Variants in RAB6B observed in about 807,000 individuals in gnomAD.
The protein encoded by RAB6B is ras-related protein Rab-6B.
Under a neutral mutation model 31.2 loss-of-function variants are expected in RAB6B, and 7 were observed. That is an observed-to-expected ratio of 0.22 (90% CI 0.13 to 0.42). The LOEUF is 0.42. Ranked by LOEUF, RAB6B falls within the 10% of genes least tolerant of loss-of-function variation. RAB6B has a pLI of 1.00. For missense variants in RAB6B, 149 were observed against 280.6 expected (o/e 0.53, Z 3.35); for synonymous variants, 105 against 104.9 (o/e 1.00, Z -0.01).
At chr3:133,841,575 C>G (rs1935831598) in intron 3 of RAB6B, 35 bp downstream of exon 3, 2 of 1,610,630 alleles carry the variant, frequency 1.2e-6, no homozygotes, top group Non-Finnish European at 1.7e-6. Context: ...AAGGAACCCT[C>G]CCTGCCCCTC....
intron 1 of RAB6B, among the ~76,000 whole-genome samples, chr3:133,865,386 T>G (rs1466589252): frequency 6.6e-6 from 1 of 152,230 alleles, no homozygotes; most frequent in South Asian, 2.1e-4. Flanking sequence ...CTACAAATGC[T>G]GCTAATTTCC....
chr3:133,852,725 C>T (rs746450609), intron 2 of RAB6B, among the ~76,000 whole-genome samples: 4 of 152,150 alleles, frequency 2.6e-5, no homozygotes, highest in Admixed American at 1.3e-4. Flanking sequence ...GTGATCCTTC[C>T]GCTTCAGCCT....
At chr3:133,883,390 C>G (rs1936495236) in intron 1 of RAB6B, among the ~76,000 whole-genome samples, 1 of 152,212 alleles carries the variant, frequency 6.6e-6, no homozygotes, top group African/African-American at 2.4e-5. Flanking sequence ...TGCCCCCATA[C>G]TCATCAGTGG....
chr3:133,860,940 G>A (rs992206667), intron 2 of RAB6B, among the ~76,000 whole-genome samples: 5 of 152,214 alleles, frequency 3.3e-5, no homozygotes, highest in African/African-American at 9.6e-5. Context: ...CGTGAATCTC[G>A]CAAAAGGTGA....
intron 1 of RAB6B, among the ~76,000 whole-genome samples, chr3:133,885,899 G>A (rs9813363): frequency 0.16 from 24,800 of 152,110 alleles, 2,102 homozygotes; most frequent in African/African-American, 0.18. Flanking sequence ...TCCTCGGAAC[G>A]TTTCTGTTCT....
chr3:133,857,634 G>A (rs1044895232), intron 2 of RAB6B, among the ~76,000 whole-genome samples: 9 of 152,080 alleles, frequency 5.9e-5, no homozygotes, highest in Non-Finnish European at 1.0e-4. Flanking sequence ...TAGAGAAAAC[G>A]CACCCATTTT....
chr3:133,841,875 A>G (rs773166825), intron 2 of RAB6B, among the ~76,000 whole-genome samples: 26 of 152,108 alleles, frequency 1.7e-4, no homozygotes, highest in Non-Finnish European at 3.4e-4. Flanking sequence ...GGTGGCCTTT[A>G]TAGGGTGAGA....
intron 2 of RAB6B, among the ~76,000 whole-genome samples, chr3:133,858,276 CTATAAT>C (rs764849281): frequency 6.6e-6 from 1 of 152,198 alleles, no homozygotes; most frequent in Non-Finnish European, 1.5e-5. Context: ...GAAGAAATGA[CTATAAT>C]TATAATGAAT....
At chr3:133,829,418 G>C (rs1038299820) in intron 7 of RAB6B, among the ~76,000 whole-genome samples, 7 of 152,204 alleles carry the variant, frequency 4.6e-5, no homozygotes, top group African/African-American at 1.7e-4. Context: ...GCCCCCGGGG[G>C]CTGTGGGCTA....
chr3:133,834,600 A>C lies in RAB6B; in HGVS notation c.537T>G (p.Asn179Lys), dbSNP rs780553261. 1 of 1,614,080 alleles carries C rather than the reference A, an allele frequency of 6.2e-7. No homozygotes were observed. The highest frequency in any genetic ancestry group is 2.2e-5 in the East Asian group (1 of 44,878). Residue 179 changes from asparagine to lysine, a missense_variant, in exon 7 of 8, where the codon AAT becomes AAG. Coordinates refer to ENST00000285208, the MANE Select transcript of RAB6B (RefSeq NM_016577.4). ...RVASALPGME[N>K]VQEKSKEGMI... ...TCCCTTCTTTGCTTTTCTCCTGGAC[A>C]TTCTCCATTCCGGGTAGAGCCGACG... is the stretch of plus-strand genomic sequence containing the variant.
At chr3:133,891,145 G>A (rs1255005011) in intron 1 of RAB6B, among the ~76,000 whole-genome samples, 5 of 152,156 alleles carry the variant, frequency 3.3e-5, no homozygotes, top group Non-Finnish European at 7.4e-5. Flanking sequence ...GGGTCAGGAT[G>A]GGTCAGGCTG....
chr3:133,869,201 CA>C (rs1174424662), intron 1 of RAB6B, among the ~76,000 whole-genome samples: 1 of 152,330 alleles, frequency 6.6e-6, no homozygotes, highest in South Asian at 2.1e-4. Context: ...AAACAGAAGG[CA>C]ACAGGCTAGG....
At chr3:133,851,822 A>T (rs1371102752) in intron 2 of RAB6B, among the ~76,000 whole-genome samples, 1 of 152,188 alleles carries the variant, frequency 6.6e-6, no homozygotes, top group African/African-American at 2.4e-5. Flanking sequence ...ATGATAAATC[A>T]TGGGCTTTGG....
At chr3:133,889,231 GA>G (rs991824425) in intron 1 of RAB6B, among the ~76,000 whole-genome samples, 2 of 151,768 alleles carry the variant, frequency 1.3e-5, no homozygotes, top group African/African-American at 4.8e-5. Context: ...GAGGACAGGG[GA>G]AATCTGCAGC....
At chr3:133,889,387 G>GC (rs1936597870) in intron 1 of RAB6B, among the ~76,000 whole-genome samples, 1 of 62,824 alleles carries the variant, frequency 1.6e-5, no homozygotes, top group Non-Finnish European at 3.0e-5. Flanking sequence ...AGGTTATTTT[G>GC]TTATATATAT....
At chr3:133,843,425 T>C (rs1935865451) in intron 2 of RAB6B, among the ~76,000 whole-genome samples, 1 of 152,170 alleles carries the variant, frequency 6.6e-6, no homozygotes, top group Non-Finnish European at 1.5e-5. Context: ...CACAGGTGTA[T>C]GTTAGATTGA....
Position 133,828,345 on chromosome 3 carries a change from G to A in RAB6B, c.*443C>T. The A allele has an allele frequency of 2.8e-6, 1 of 352,062 alleles. No individual in the cohort carries two copies. The highest frequency in any genetic ancestry group is 5.2e-6 in the Non-Finnish European group (1 of 193,830). 21.8% of individuals were successfully genotyped at this position (352,062 alleles called of 1,614,324 possible). A position where few individuals can be genotyped will look rare whatever the true frequency, so the allele number is the denominator to read the frequency against. ...TAATTGTTTTAATTTATTGGGCTGG[G>A]GATAGGAGGAAGGCAGAGGTGATGA... On this transcript the variant is annotated 3_prime_UTR_variant, in exon 8 of 8. Transcript: ENST00000285208.
chr3:133,835,956 C>T (rs187480615), intron 6 of RAB6B, among the ~76,000 whole-genome samples: 41 of 152,312 alleles, frequency 2.7e-4, no homozygotes, highest in African/African-American at 7.9e-4. Flanking sequence ...TGATTTGTTA[C>T]GGTAGCCTGA....
At chr3:133,889,953 C>A (rs565301068) in intron 1 of RAB6B, among the ~76,000 whole-genome samples, 229 of 152,278 alleles carry the variant, frequency 1.5e-3, no homozygotes, top group Middle Eastern at 6.8e-3. Flanking sequence ...CAGGTTAATT[C>A]TCATCCTGGT....
Sources: gnomAD v4.1 joint callset for allele counts (sites outside exome capture counted in the v4.1 genomes callset) on GRCh38, gnomAD v4.1.1 for gene constraint, MANE v1.5 for transcripts, NCBI Gene and HGNC (gene_info 2026-07-23, HGNC 2026-07-21) for gene names.